Variants in RAD51B observed in about 807,000 individuals in gnomAD.
RAD51B encodes DNA repair protein RAD51 homolog 2.
A neutral mutation model predicts 42.2 loss-of-function variants in RAD51B; 38 were observed. The observed-to-expected ratio is 0.90, with a 90% CI of 0.70 to 1.18. The LOEUF (loss-of-function observed/expected upper bound fraction) is 1.18, where lower values mean the gene tolerates loss of function less well. RAD51B is among the 50% of genes most tolerant of loss of function. The pLI, the probability that RAD51B is intolerant of heterozygous loss-of-function variation, is 0.00. For missense variants in RAD51B, 373 were observed against 400.7 expected, an observed-to-expected ratio of 0.93 and a Z score of 0.59; for synonymous variants, 154 against 145.2, an observed-to-expected ratio of 1.06 and a Z score of -0.43.
At chr14:68,168,237 C>G (rs1248284639) in intron 7 of RAD51B, among the ~76,000 whole-genome samples, 2 of 152,146 alleles carry the variant, frequency 1.3e-5, no homozygotes, top group East Asian at 3.8e-4. Context: ...TAGAATTTTA[C>G]TCCTTTTAAT....
chr14:68,601,992 C>G (rs532644427), intron 10 of RAD51B, among the ~76,000 whole-genome samples: 56 of 152,294 alleles, frequency 3.7e-4, no homozygotes, highest in Admixed American at 2.7e-3. Context: ...ACTGCCACCC[C>G]CTCTGTGCAA....
intron 7 of RAD51B, among the ~76,000 whole-genome samples, chr14:68,053,116 T>A (rs2076420381): frequency 6.6e-6 from 1 of 152,240 alleles, no homozygotes; most frequent in South Asian, 2.1e-4. Context: ...TTTATCTTGA[T>A]GTTTAATCGA....
At chr14:68,331,288 G>A (rs761870062) in intron 8 of RAD51B, among the ~76,000 whole-genome samples, 3 of 143,640 alleles carry the variant, frequency 2.1e-5, no homozygotes, top group Non-Finnish European at 4.5e-5. Flanking sequence ...CTTGAACCAG[G>A]ACCTGGGAGG....
At chr14:68,265,168 A>G (rs1472883968) in intron 7 of RAD51B, among the ~76,000 whole-genome samples, 1 of 152,234 alleles carries the variant, frequency 6.6e-6, no homozygotes, top group Non-Finnish European at 1.5e-5. Context: ...ATAAACATTT[A>G]TCAGTAGTTT....
At chr14:68,576,561 T>C (rs1889971562) in intron 10 of RAD51B, among the ~76,000 whole-genome samples, 1 of 152,204 alleles carries the variant, frequency 6.6e-6, no homozygotes, top group South Asian at 2.1e-4. Flanking sequence ...CAGATGGAGA[T>C]GCTAAAGCAT....
chr14:68,140,075 CT>C (rs1248450887), intron 7 of RAD51B, among the ~76,000 whole-genome samples: 1 of 152,142 alleles, frequency 6.6e-6, no homozygotes, highest in Non-Finnish European at 1.5e-5. Flanking sequence ...AAGCCCTAAA[CT>C]TTTTCTACAG....
chr14:68,593,004 AAC>A (rs1357243552), intron 10 of RAD51B, among the ~76,000 whole-genome samples: 3 of 152,166 alleles, frequency 2.0e-5, no homozygotes, highest in African/African-American at 4.8e-5. Flanking sequence ...TAGAAAGTGG[AAC>A]ATACCAGGTC....
Position 68,347,343 on chromosome 14 carries a change from T to C in RAD51B, c.853+55363T>C, listed in dbSNP as rs1461613311. Among the ~76,000 whole-genome samples, 6 of 152,240 alleles carry C rather than the reference T, an allele frequency of 3.9e-5. No homozygotes were observed. In the South Asian group the frequency reaches 1.0e-3, roughly 26 times the overall value. ...TCAGTTTGGGGAAGTAGATTTAGTA[T>C]CCACAAAATGATTGGGGGTCCCCTG... On this transcript the variant is annotated intron_variant, in intron 8 of 10. Coordinates refer to ENST00000471583, the MANE Select transcript of RAD51B (RefSeq NM_133510.4).
chr14:67,973,143 G>T (rs1416403520), intron 7 of RAD51B, among the ~76,000 whole-genome samples: 2 of 152,094 alleles, frequency 1.3e-5, no homozygotes, highest in Non-Finnish European at 2.9e-5. Flanking sequence ...GTACACCCTG[G>T]TAAAAATTCT....
intron 7 of RAD51B, among the ~76,000 whole-genome samples, chr14:68,018,517 G>T (rs954011098): frequency 7.9e-5 from 12 of 152,140 alleles, no homozygotes; most frequent in Non-Finnish European, 1.6e-4. Context: ...TTTCAACAAG[G>T]ATTAGATTTT....
At chr14:68,548,124 T>TTC (rs148163476) in intron 10 of RAD51B, among the ~76,000 whole-genome samples, 1 of 152,182 alleles carries the variant, frequency 6.6e-6, no homozygotes, top group African/African-American at 2.4e-5. Flanking sequence ...TATTCTCATG[T>TTC]TCTCTCTCTG....
chr14:68,636,475 C>T (rs1365447505), intron 10 of RAD51B, among the ~76,000 whole-genome samples: 3 of 150,830 alleles, frequency 2.0e-5, no homozygotes, highest in South Asian at 2.1e-4. Flanking sequence ...CCCGGCTACT[C>T]GGAAGGCTGA....
chr14:67,857,054 A>G (rs1216507420), intron 4 of RAD51B, among the ~76,000 whole-genome samples: 19 of 152,206 alleles, frequency 1.2e-4, no homozygotes, highest in Non-Finnish European at 2.9e-5. Context: ...GGAACTGAAC[A>G]CAACTTGAAA....
At chr14:68,551,429 G>A (rs1161449461) in intron 10 of RAD51B, among the ~76,000 whole-genome samples, 1 of 152,190 alleles carries the variant, frequency 6.6e-6, no homozygotes, top group Non-Finnish European at 1.5e-5. Context: ...ATGTGTTGCT[G>A]TGATTTTGTC....
At chr14:68,224,755 C>G (rs924255506) in intron 7 of RAD51B, among the ~76,000 whole-genome samples, 1 of 151,904 alleles carries the variant, frequency 6.6e-6, no homozygotes, top group African/African-American at 2.4e-5. Context: ...AGTACAGTGG[C>G]GCAGTCTTGG....
intron 10 of RAD51B, among the ~76,000 whole-genome samples, chr14:68,567,158 G>C (rs907977044): frequency 2.0e-5 from 3 of 152,126 alleles, no homozygotes; most frequent in African/African-American, 7.2e-5. Context: ...AATTAGCTGG[G>C]CGCAGTGGCA....
chr14:68,307,565 A>C (rs2081893021), intron 8 of RAD51B, among the ~76,000 whole-genome samples: 1 of 152,196 alleles, frequency 6.6e-6, no homozygotes, highest in Non-Finnish European at 1.5e-5. Context: ...CCTGTACTTC[A>C]AGCAGTTTTT....
At chr14:68,311,281 G>T (rs2081962272) in intron 8 of RAD51B, among the ~76,000 whole-genome samples, 1 of 151,952 alleles carries the variant, frequency 6.6e-6, no homozygotes, top group Non-Finnish European at 1.5e-5. Flanking sequence ...AATAAATAAT[G>T]GTTTACATCA....
At chr14:67,881,061 G>A (rs2042891232) in intron 5 of RAD51B, among the ~76,000 whole-genome samples, 1 of 152,162 alleles carries the variant, frequency 6.6e-6, no homozygotes, top group South Asian at 2.1e-4. Flanking sequence ...CTATGAACCT[G>A]TACAGCATGT....
Sources: gnomAD v4.1 joint callset for allele counts (sites outside exome capture counted in the v4.1 genomes callset) on GRCh38, gnomAD v4.1.1 for gene constraint, MANE v1.5 for transcripts, NCBI Gene and HGNC (gene_info 2026-07-23, HGNC 2026-07-21) for gene names.